PHRF1: variants seen among roughly 807,000 people sequenced by gnomAD.
The protein encoded by PHRF1 is PHD and ring finger domains 1.
Under a neutral mutation model 128.9 loss-of-function variants are expected in PHRF1, and 53 were observed. That is an observed-to-expected ratio of 0.41 (90% CI 0.33 to 0.52). PHRF1 has a LOEUF of 0.52. Ranked by LOEUF, PHRF1 falls within the 20% of genes least tolerant of loss-of-function variation. PHRF1 has a pLI of 0.21. For synonymous variants in PHRF1, 1,178 were observed against 980.6 expected (o/e 1.20, Z -3.76); for missense variants, 2,503 against 2,284.5 (o/e 1.10, Z -1.95).
chr11:607,418 T>C lies in PHRF1; in HGVS notation c.1962T>C (p.Ser654=). ...SAASKISSRD[S]KPPCRSVVPG... ...CGTCTAAGATCTCAAGCAGAGATTCTAAGCCCCCATGTCGCAGTGTGGTGC... is the reference window on the plus strand; with the variant it reads ...CGTCTAAGATCTCAAGCAGAGATTCCAAGCCCCCATGTCGCAGTGTGGTGC... Residue 654 remains serine, a synonymous_variant, in exon 14 of 18, where the codon TCT becomes TCC. Coordinates refer to ENST00000264555, the MANE Select transcript of PHRF1 (RefSeq NM_001286581.2). 1.9e-6 allele frequency: 3 copies of C among 1,612,820 alleles called. No homozygotes were observed. The highest frequency in any genetic ancestry group is 2.5e-6 in the Non-Finnish European group (3 of 1,179,876).
At chr11:578,996 T>C (rs10902175) in intron 1 of PHRF1, among the ~76,000 whole-genome samples, 124,311 of 152,140 alleles carry the variant, frequency 0.82, 51,120 homozygotes, top group Middle Eastern at 0.89. Context: ...CACGCCGCCA[T>C]GCCCGGCTCA....
chr11:597,311 C>T lies in PHRF1; in HGVS notation c.719-84C>T. 1 of 1,505,966 alleles carries T rather than the reference C, an allele frequency of 6.6e-7. No homozygotes were observed. Among genetic ancestry groups the T allele is most frequent in the African/African-American group, 1.4e-5 (1 of 72,906 alleles). 93.3% of individuals were successfully genotyped at this position (1,505,966 alleles called of 1,614,324 possible). ...AGGTCAGCCCGAGCCAGGGCTGCTA[C>T]TTGGCCGGCAGCCACAGGGGGAGCC... On this transcript the variant is annotated intron_variant, in intron 7 of 17. Transcript: ENST00000264555. This position sits in a 1 kb window ranked among gnomAD's most constrained non-coding sequence, Gnocchi z 6.5.
chr11:586,092 C>G (rs890742017), intron 3 of PHRF1, among the ~76,000 whole-genome samples: 1 of 151,944 alleles, frequency 6.6e-6, no homozygotes, highest in African/African-American at 2.4e-5. Context: ...AACCCCTGAC[C>G]TCAGGTGATC....
At chr11:585,606 TCCAGC>T (rs1854491577) in intron 3 of PHRF1, among the ~76,000 whole-genome samples, 11 of 104,152 alleles carry the variant, frequency 1.1e-4, no homozygotes, top group African/African-American at 2.9e-4. Context: ...AGTAGCCCTT[TCCAGC>T]TTGAGGTAGT....
At chr11:603,664 T>C (rs1414409556) in intron 10 of PHRF1, among the ~76,000 whole-genome samples, 2 of 152,062 alleles carry the variant, frequency 1.3e-5, no homozygotes, top group African/African-American at 2.4e-5. Flanking sequence ...CTCAAGATTA[T>C]TGTTTATTTC....
At chr11:595,167 A>G (rs1855207614) in intron 6 of PHRF1, among the ~76,000 whole-genome samples, 1 of 152,126 alleles carries the variant, frequency 6.6e-6, no homozygotes, top group Admixed American at 6.5e-5. Context: ...TACTAAAAAT[A>G]AAAAAATTGG....
Position 608,764 on chromosome 11 carries a change from A to G in PHRF1, c.3308A>G (p.His1103Arg), listed in dbSNP as rs570518720. ...AGCCCTGGCAGCTCTTCCTATGAGCACTATGAGAGTAGGAAGAAGAAGAAA... is the reference window on the plus strand; with the variant it reads ...AGCCCTGGCAGCTCTTCCTATGAGCGCTATGAGAGTAGGAAGAAGAAGAAA... ...SGSPGSSSYE[H>R]YESRKKKKRR... The change falls in exon 14 of 18, where the codon CAC becomes CGC. Residue 1103 changes from histidine to arginine, a missense_variant. Transcript: ENST00000264555. 1.9e-6 allele frequency: 3 copies of G among 1,611,726 alleles called. No homozygotes were observed. The highest frequency in any genetic ancestry group is 1.1e-5 in the South Asian group (1 of 90,992).
intron 6 of PHRF1, among the ~76,000 whole-genome samples, chr11:594,875 A>G (rs1855190496): frequency 7.1e-6 from 1 of 141,736 alleles, no homozygotes; most frequent in African/African-American, 2.7e-5. Flanking sequence ...TACCTACACT[A>G]CTTGAATTAC....
intron 3 of PHRF1, 94 bp downstream of exon 3, chr11:582,175 C>G: frequency 2.0e-6 from 3 of 1,528,010 alleles, no homozygotes; most frequent in African/African-American, 1.4e-5. Flanking sequence ...AGTGCTGTCA[C>G]CACAGCTGGC....
rs763582538 is a variant in PHRF1 at position 608,891 on chromosome 11, G to A, written c.3435G>A (p.Arg1145=). ...HKHQRERSHE[R]PDRKESVAWP... is the part of the protein sequence containing the mutation. Reference sequence around the variant, plus strand: ...ATCAGCGGGAACGCAGCCACGAGCGGCCAGACAGGAAGGAGAGTGTGGCGT... The same window carrying A: ...ATCAGCGGGAACGCAGCCACGAGCGACCAGACAGGAAGGAGAGTGTGGCGT... Residue 1145 remains arginine, a synonymous_variant, in exon 14 of 18, where the codon CGG becomes CGA. Coordinates refer to ENST00000264555, the MANE Select transcript of PHRF1 (RefSeq NM_001286581.2). 16 of 1,612,170 alleles carry A rather than the reference G, an allele frequency of 9.9e-6. No individual in the cohort carries two copies. The highest frequency in any genetic ancestry group is 4.5e-5 in the East Asian group (2 of 44,876).
Position 598,230 on chromosome 11 carries a change from C to T in PHRF1, c.895-143C>T, listed in dbSNP as rs541604812. Reference sequence around the variant, plus strand: ...CTGGCAGGGGAGAGGAAGGCCGGGCCGTGGCTGCTGCAGTGGCGGGTGGGG... The same window carrying T: ...CTGGCAGGGGAGAGGAAGGCCGGGCTGTGGCTGCTGCAGTGGCGGGTGGGG... On this transcript the variant is annotated intron_variant, in intron 8 of 17. Coordinates refer to ENST00000264555, the MANE Select transcript of PHRF1 (RefSeq NM_001286581.2). The T allele has an allele frequency of 1.7e-5, 21 of 1,223,484 alleles. No homozygotes were observed. The African/African-American group carries it at 1.8e-4, about 11-fold the overall frequency. The allele number at this position is 1,223,484 out of a possible 1,614,324, so 75.8% of individuals were successfully genotyped here.
At chr11:601,802 C>T (rs951474844) in intron 10 of PHRF1, 101 bp downstream of exon 10, 15 of 1,458,322 alleles carry the variant, frequency 1.0e-5, no homozygotes, top group African/African-American at 5.7e-5. Context: ...GGCACCCTCG[C>T]GCGGTTATGG....
chr11:602,573 A>C (rs1277505108), intron 10 of PHRF1, among the ~76,000 whole-genome samples: 4 of 151,756 alleles, frequency 2.6e-5, no homozygotes, highest in African/African-American at 9.7e-5. Flanking sequence ...TCCCAGCCTC[A>C]GGAGGCTGAG....
In PHRF1 at chr11:589,754, G is replaced by A. The variant is rs555592950; in HGVS notation, c.421-1630G>A. ...TCCTAAACAGTCTGAGAGAGTGTCT[G>A]CAAACGGGCACGGAGCATGTCAGGC... is the stretch of plus-strand genomic sequence containing the variant. On this transcript the variant is annotated intron_variant, in intron 4 of 17. Coordinates refer to ENST00000264555, the MANE Select transcript of PHRF1 (RefSeq NM_001286581.2). 2.0e-5 allele frequency among the ~76,000 whole-genome samples: 3 copies of A among 152,388 alleles called. 1 individual carries two copies. The highest frequency in any genetic ancestry group is 7.2e-5 in the African/African-American group (3 of 41,590).
chr11:582,861 C>G (rs1476027990), intron 3 of PHRF1, among the ~76,000 whole-genome samples: 2 of 151,632 alleles, frequency 1.3e-5, no homozygotes, highest in African/African-American at 2.4e-5. Context: ...AGTGAAACCC[C>G]CTCTCTACTA....
chr11:579,608 G>A (rs377230696), intron 1 of PHRF1, among the ~76,000 whole-genome samples: 1 of 152,208 alleles, frequency 6.6e-6, no homozygotes, highest in Non-Finnish European at 1.5e-5. Flanking sequence ...ATTCAGGTGC[G>A]GGACGAGCAG....
At chr11:592,952 G>C (rs1855067862) in intron 6 of PHRF1, among the ~76,000 whole-genome samples, 1 of 152,252 alleles carries the variant, frequency 6.6e-6, no homozygotes, top group Non-Finnish European at 1.5e-5. Context: ...TGTGGGGCTG[G>C]TCAGCCAGAG....
In PHRF1 at chr11:608,349, G is replaced by A; in HGVS notation, c.2893G>A (p.Val965Ile). ...GGAGCGGACGGTGACCTGTGTGACTGTCGTGGAGCCGGAAGCCCCACCCAG... is the reference window on the plus strand; with the variant it reads ...GGAGCGGACGGTGACCTGTGTGACTATCGTGGAGCCGGAAGCCCCACCCAG... ...SEERTVTCVT[V>I]VEPEAPPSPD... is the part of the protein sequence containing the mutation. The change falls in exon 14 of 18, where the codon GTC becomes ATC. Residue 965 changes from valine to isoleucine, a missense_variant. Physicochemically the swap from Val to Ile is conservative, Grantham distance 29. Coordinates refer to ENST00000264555, the MANE Select transcript of PHRF1 (RefSeq NM_001286581.2). The A allele has an allele frequency of 1.9e-6, 3 of 1,610,102 alleles. No individual in the cohort carries two copies. In the South Asian group the frequency reaches 3.3e-5, roughly 18 times the overall value.
chr11:577,682 A>G (rs1400721745), intron 1 of PHRF1, among the ~76,000 whole-genome samples: 2 of 152,230 alleles, frequency 1.3e-5, no homozygotes, highest in African/African-American at 4.8e-5. Flanking sequence ...GATACAGCAG[A>G]TGGTGAATAC....
Sources: gnomAD v4.1 joint callset for allele counts (sites outside exome capture counted in the v4.1 genomes callset) on GRCh38, gnomAD v4.1.1 for gene constraint, Gnocchi (gnomAD v3.1) non-coding constraint, MANE v1.5 for transcripts, NCBI Gene and HGNC (gene_info 2026-07-23, HGNC 2026-07-21) for gene names.